CSMD3: variants seen among roughly 807,000 people sequenced by gnomAD.
CSMD3 encodes the protein CUB and sushi domain-containing protein 3.
CSMD3 carries 177 observed loss-of-function variants against 435.2 expected under a neutral mutation model. That is an observed-to-expected ratio of 0.41 (90% CI 0.36 to 0.46). The LOEUF (loss-of-function observed/expected upper bound fraction) is 0.46. CSMD3 is among the 20% of genes least tolerant of loss of function. The pLI, the probability that CSMD3 is intolerant of heterozygous loss-of-function variation, is 0.34. For missense variants in CSMD3, 4,265 were observed against 4,504.6 expected, an observed-to-expected ratio of 0.95 and a Z score of 1.52; for synonymous variants, 1,656 against 1,520.5, an observed-to-expected ratio of 1.09 and a Z score of -2.07.
intron 3 of CSMD3, among the ~76,000 whole-genome samples, chr8:113,200,554 T>C (rs1319685811): frequency 6.6e-6 from 1 of 151,792 alleles, no homozygotes. Context: ...AGGCTTCTTT[T>C]CAGTTCCTTG....
At chr8:112,901,704 C>T (rs1184870092) in intron 10 of CSMD3, among the ~76,000 whole-genome samples, 1 of 151,230 alleles carries the variant, frequency 6.6e-6, no homozygotes, top group Non-Finnish European at 1.5e-5. Context: ...TTCTGATCCC[C>T]AGTGGAGACC....
intron 26 of CSMD3, among the ~76,000 whole-genome samples, chr8:112,551,223 GT>G (rs1827657919): frequency 6.6e-6 from 1 of 151,886 alleles, no homozygotes; most frequent in Non-Finnish European, 1.5e-5. Context: ...TATTTTATTT[GT>G]TTAATTGTTA....
chr8:112,395,759 G>T (rs1254597982), intron 35 of CSMD3, among the ~76,000 whole-genome samples: 1 of 152,122 alleles, frequency 6.6e-6, no homozygotes, highest in Admixed American at 6.5e-5. Context: ...CTAAAAGGGA[G>T]GAAAGCCTGG....
At chr8:112,708,714 C>T (rs558344861) in intron 13 of CSMD3, among the ~76,000 whole-genome samples, 8 of 106,178 alleles carry the variant, frequency 7.5e-5, no homozygotes, top group African/African-American at 2.5e-4. Context: ...CCAAACAGGA[C>T]GATAGAGCAA....
At position 112,827,939 on chromosome 8, in the gene CSMD3, T is replaced by C. The variant is rs2079748206; in HGVS notation, c.1859+1747A>G. Among the ~76,000 whole-genome samples, 4 of 152,116 alleles carry C rather than the reference T, an allele frequency of 2.6e-5. No individual in the cohort carries two copies. In the South Asian group the frequency reaches 8.3e-4, roughly 32 times the overall value. On this transcript the variant is annotated intron_variant, in intron 12 of 70. Transcript: ENST00000297405. ...TTTACAAGAAGCCATAAATTCAAATTTTTACATGTAATTTTCAGTTCCTTA... is the reference window on the plus strand; with the variant it reads ...TTTACAAGAAGCCATAAATTCAAATCTTTACATGTAATTTTCAGTTCCTTA...
At chr8:112,281,412 A>G in intron 58 of CSMD3, 62 bp from the exon 59 acceptor site, 1 of 1,310,758 alleles carries the variant, frequency 7.6e-7, no homozygotes, top group Non-Finnish European at 1.1e-6. Flanking sequence ...TTCCCAAAAA[A>G]GTTAATGACT....
At chr8:112,671,926 A>T (rs2075666549) in intron 16 of CSMD3, among the ~76,000 whole-genome samples, 2 of 152,142 alleles carry the variant, frequency 1.3e-5, no homozygotes, top group South Asian at 2.1e-4. Flanking sequence ...ACTATTATTC[A>T]TTTTTTAATT....
rs752241471 is a variant in CSMD3, at chr8:113,173,885, A to G, written c.546T>C (p.Gly182=). The part of the protein sequence containing the change: ...ELQSSSCGNP[G]VPPKGVLYGT... ...CATATAATACACCTTTGGGTGGAAC[A>G]CCAGGATTTCCACAAGAGCTACTCT... Residue 182 remains glycine (G), a synonymous_variant, in exon 4 of 71, where the codon GGT becomes GGC. Transcript: ENST00000297405. The G allele has an allele frequency of 2.5e-6, 4 of 1,613,798 alleles. No homozygotes were observed. Among genetic ancestry groups the G allele is most frequent in the South Asian group, 1.1e-5 (1 of 91,080 alleles).
intron 54 of CSMD3, among the ~76,000 whole-genome samples, chr8:112,294,791 C>A (rs1820105119): frequency 6.6e-6 from 1 of 152,060 alleles, no homozygotes; most frequent in African/African-American, 2.4e-5. Flanking sequence ...CTGGTGAGAT[C>A]TTTTTAAAAT....
At chr8:113,030,417 T>TAAAAAAAAAAAA (rs35890606) in intron 5 of CSMD3, among the ~76,000 whole-genome samples, 2 of 24,350 alleles carry the variant, frequency 8.2e-5, no homozygotes, top group Non-Finnish European at 6.8e-5. Flanking sequence ...TTGGTACTGG[T>TAAAAAAAAAAAA]AAAAAAAAAA....
chr8:112,552,383 G>T (rs902535402), intron 26 of CSMD3, among the ~76,000 whole-genome samples: 1 of 152,012 alleles, frequency 6.6e-6, no homozygotes, highest in African/African-American at 2.4e-5. Context: ...CTACTGGGGA[G>T]GCTGAGGTGG....
At position 113,173,767 on chromosome 8, in the gene CSMD3, A is replaced by T; in HGVS notation, c.664T>A (p.Ser222Thr). ...GHPQLTCIAN[S>T]VNTASWDFPV... ...AAATCCCACGAAGCTGTATTAACTG[A>T]ATTGGCTATGCAGGTGAGCTGAGGG... The change falls in exon 4 of 71, where the codon TCA becomes ACA. Residue 222 changes from serine to threonine, a missense_variant. Around this residue, in one of 3 missense-constraint regions of CSMD3, gnomAD observed 731 missense variants for 755.4 expected, o/e 0.97. Coordinates refer to ENST00000297405, the MANE Select transcript of CSMD3 (RefSeq NM_198123.2). The T allele has an allele frequency of 6.2e-7, 1 of 1,613,792 alleles. No individual in the cohort carries two copies.
chr8:112,875,491 T>A (rs1017608626), intron 10 of CSMD3, among the ~76,000 whole-genome samples: 9 of 152,202 alleles, frequency 5.9e-5, no homozygotes, highest in African/African-American at 2.2e-4. Flanking sequence ...GAAGTCCTCC[T>A]GGATAATACC....
At chr8:112,711,571 A>G (rs1276407516) in intron 13 of CSMD3, among the ~76,000 whole-genome samples, 1 of 152,124 alleles carries the variant, frequency 6.6e-6, no homozygotes, top group East Asian at 1.9e-4. Context: ...AGGTGGAACT[A>G]CTGGAACTCA....
chr8:112,442,737 G>T (rs1210556488), intron 32 of CSMD3, among the ~76,000 whole-genome samples: 1 of 152,080 alleles, frequency 6.6e-6, no homozygotes, highest in Non-Finnish European at 1.5e-5. Context: ...AATATGAGCA[G>T]AAATGATTGG....
At chr8:112,783,278 T>G (rs548933921) in intron 13 of CSMD3, among the ~76,000 whole-genome samples, 1 of 151,740 alleles carries the variant, frequency 6.6e-6, no homozygotes, top group African/African-American at 2.4e-5. Flanking sequence ...AATCATGGGC[T>G]ATAAGATATT....
At chr8:113,079,595 G>A (rs2089474804) in intron 5 of CSMD3, among the ~76,000 whole-genome samples, 1 of 152,040 alleles carries the variant, frequency 6.6e-6, no homozygotes, top group Admixed American at 6.6e-5. Flanking sequence ...TGAGTGCTAG[G>A]ACTGAAACCT....
intron 1 of CSMD3, among the ~76,000 whole-genome samples, chr8:113,355,767 C>CA (rs1186190872): frequency 3.5e-5 from 2 of 56,610 alleles, no homozygotes; most frequent in Non-Finnish European, 7.0e-5. Context: ...CACACACACA[C>CA]GGGGTGTGTG....
intron 13 of CSMD3, among the ~76,000 whole-genome samples, chr8:112,690,687 G>C (rs545609132): frequency 6.7e-6 from 1 of 150,028 alleles, no homozygotes; most frequent in African/African-American, 2.5e-5. Flanking sequence ...TCTTGGATGA[G>C]TGGAAAGAGA....
Sources: allele counts gnomAD v4.1 joint callset (sites outside exome capture counted in the v4.1 genomes callset), GRCh38; gene constraint gnomAD v4.1.1; regional missense constraint gnomAD v4.1.1; transcripts MANE v1.5; gene names NCBI Gene and HGNC (gene_info 2026-07-23, HGNC 2026-07-21).